Variants in MAGI3 observed in about 807,000 individuals in gnomAD.
MAGI3 encodes membrane-associated guanylate kinase, WW and PDZ domain-containing protein 3.
A neutral mutation model predicts 121.8 loss-of-function variants in MAGI3; 43 were observed. That is an observed-to-expected ratio of 0.35 (90% CI 0.28 to 0.46). The LOEUF is 0.46. MAGI3 is among the 20% of genes least tolerant of loss of function. MAGI3 has a pLI of 1.00. For synonymous variants in MAGI3, 553 were observed against 639.3 expected (o/e 0.86, Z 2.04); for missense variants, 1,547 against 1,797.3 (o/e 0.86, Z 2.52).
At chr1:113,401,389 G>A (rs1368120636) in intron 1 of MAGI3, among the ~76,000 whole-genome samples, 3 of 152,102 alleles carry the variant, frequency 2.0e-5, no homozygotes, top group Non-Finnish European at 4.4e-5. Context: ...GTTTGTGGCC[G>A]TGCAGTTTAA....
intron 1 of MAGI3, among the ~76,000 whole-genome samples, chr1:113,544,529 G>A (rs114171132): frequency 0.013 from 1,996 of 152,318 alleles, 49 homozygotes; most frequent in African/African-American, 0.046. Flanking sequence ...TCTTATAGGT[G>A]TACAAAATGC....
intron 1 of MAGI3, among the ~76,000 whole-genome samples, chr1:113,485,087 C>G (rs1656318818): frequency 6.6e-6 from 1 of 152,014 alleles, no homozygotes; most frequent in South Asian, 2.1e-4. Context: ...GGGCTGGTTC[C>G]ATATTTCTGC....
chr1:113,682,908 A>G lies in MAGI3; in HGVS notation c.3340A>G (p.Ile1114Val), dbSNP rs774645163. The change falls in exon 21 of 21, where the codon ATT becomes GTT. Residue 1114 changes from isoleucine (I) to valine (V), a missense_variant. Transcript: ENST00000307546. Reference protein sequence around the residue: ...GLIPDHGDWDINNPSSSNVIY... With the variant: ...GLIPDHGDWDVNNPSSSNVIY... ...AATCACTTTTTTAGGTGATTGGGAT[A>G]TTAATAATCCTTCGTCTTCAAATGT... 2 of 1,575,944 alleles carry G rather than the reference A, an allele frequency of 1.3e-6. No individual in the cohort carries two copies. Among genetic ancestry groups the G allele is most frequent in the Non-Finnish European group, 1.7e-6 (2 of 1,165,470 alleles).
intron 2 of MAGI3, among the ~76,000 whole-genome samples, chr1:113,572,250 G>T (rs975071477): frequency 6.6e-6 from 1 of 152,226 alleles, no homozygotes; most frequent in African/African-American, 2.4e-5. Flanking sequence ...AAGCCAACTG[G>T]ATCGTGGTGG....
intron 1 of MAGI3, among the ~76,000 whole-genome samples, chr1:113,548,025 G>T (rs1030462615): frequency 2.0e-5 from 3 of 152,138 alleles, no homozygotes; most frequent in Admixed American, 1.3e-4. Context: ...TGTTAACACC[G>T]TCTTGCATAG....
intron 16 of MAGI3, among the ~76,000 whole-genome samples, chr1:113,668,472 G>T (rs1647297057): frequency 6.6e-6 from 1 of 151,514 alleles, no homozygotes; most frequent in Non-Finnish European, 1.5e-5. Flanking sequence ...GAGAAGCCAT[G>T]TAGCACGGGT....
At chr1:113,619,681 G>T (rs971584492) in intron 7 of MAGI3, 55 bp from the exon 8 acceptor site, 22 of 1,180,842 alleles carry the variant, frequency 1.9e-5, no homozygotes, top group Non-Finnish European at 2.8e-5. Context: ...GACTATTTAA[G>T]AATATGTTAC....
chr1:113,474,488 C>T (rs955400158), intron 1 of MAGI3, among the ~76,000 whole-genome samples: 1 of 152,126 alleles, frequency 6.6e-6, no homozygotes, highest in East Asian at 1.9e-4. Context: ...ATATGGCTAG[C>T]CAGTTTTCCC....
chr1:113,637,787 G>A (rs1003394461), intron 9 of MAGI3, among the ~76,000 whole-genome samples: 23 of 152,302 alleles, frequency 1.5e-4, no homozygotes, highest in African/African-American at 5.3e-4. Context: ...GCCTTGCTAG[G>A]TTGGGGAAGT....
At chr1:113,540,353 A>T (rs1019672307) in intron 1 of MAGI3, among the ~76,000 whole-genome samples, 2 of 152,234 alleles carry the variant, frequency 1.3e-5, no homozygotes, top group African/African-American at 4.8e-5. Context: ...AGGGAAGCAG[A>T]CACGTACCCA....
intron 1 of MAGI3, among the ~76,000 whole-genome samples, chr1:113,512,863 A>T (rs1328543370): frequency 2.0e-5 from 3 of 152,224 alleles, no homozygotes; most frequent in African/African-American, 7.2e-5. Context: ...ACATGATAGT[A>T]TATCTAGAAA....
intron 1 of MAGI3, among the ~76,000 whole-genome samples, chr1:113,397,610 A>C (rs1413335072): frequency 6.6e-6 from 1 of 152,208 alleles, no homozygotes; most frequent in Non-Finnish European, 1.5e-5. Context: ...AAGGGCACAA[A>C]ATCCACATTA....
intron 2 of MAGI3, among the ~76,000 whole-genome samples, chr1:113,562,509 T>G (rs1322059906): frequency 2.0e-5 from 3 of 152,354 alleles, no homozygotes; most frequent in Admixed American, 2.0e-4. Context: ...CAAAGTAATT[T>G]ATAGATTCAG....
At position 113,673,385 on chromosome 1, in the gene MAGI3, G is replaced by A. The variant is rs201961376; in HGVS notation, c.3109G>A (p.Gly1037Arg). The A allele has an allele frequency of 6.2e-6, 10 of 1,611,858 alleles. No individual in the cohort carries two copies. The highest frequency in any genetic ancestry group is 1.8e-4 in the Middle Eastern group (1 of 5,530). The change falls in exon 19 of 21, where the codon GGG becomes AGG. Residue 1037 changes from glycine (G) to arginine (R), a missense_variant. Physicochemically the swap from Gly to Arg is moderately radical, Grantham distance 125. Coordinates refer to ENST00000307546, the MANE Select transcript of MAGI3 (RefSeq NM_001142782.2). ...CCGGGGCTTTGGATTCAGCCTCCGA[G>A]GGGGGAAGGAGTACAACATGGGGCT... is the stretch of plus-strand genomic sequence containing the variant. ...GPRGFGFSLR[G>R]GKEYNMGLFI...
In MAGI3 at chr1:113,677,898, T is replaced by G. The variant is rs141747478; in HGVS notation, c.3190-3300T>G. ...TGACTTAAAATGTTAAAAGGATGTT[T>G]ACTGGGTGAATTTACTCCTCTGAAT... On this transcript the variant is annotated intron_variant, in intron 19 of 20. Coordinates refer to ENST00000307546, the MANE Select transcript of MAGI3 (RefSeq NM_001142782.2). Among the ~76,000 whole-genome samples, 97 of 152,380 alleles carry G rather than the reference T, an allele frequency of 6.4e-4. No homozygotes were observed. The East Asian group carries it at 0.018, about 28-fold the overall frequency.
intron 1 of MAGI3, among the ~76,000 whole-genome samples, chr1:113,522,423 A>G (rs188165320): frequency 2.6e-5 from 4 of 152,228 alleles, no homozygotes; most frequent in Admixed American, 2.0e-4. Flanking sequence ...ACTTTTTTAT[A>G]ATTATTCATG....
In MAGI3 at chr1:113,672,674, C is replaced by A; in HGVS notation, c.2978C>A (p.Ser993Ter). 1 of 1,613,976 alleles carries A rather than the reference C, an allele frequency of 6.2e-7. No individual in the cohort carries two copies. The highest frequency in any genetic ancestry group is 1.1e-5 in the South Asian group (1 of 91,030). Residue 993 changes from serine (S) to a stop codon, truncating the protein, a stop_gained, in exon 18 of 21, where the codon TCA (serine) becomes TAA (stop). Transcript: ENST00000307546. LOFTEE classifies it high-confidence loss of function. ...DVSTSYRHSW[S>*]DHKHLAQPDT... ...TCCACTTCTTACAGACATTCTTGGT[C>A]AGACCACAAGCACCTTGCACAGCCT...
At chr1:113,416,339 A>G (rs1038284837) in intron 1 of MAGI3, among the ~76,000 whole-genome samples, 9 of 42,324 alleles carry the variant, frequency 2.1e-4, no homozygotes, top group Non-Finnish European at 4.1e-4. Flanking sequence ...TATATCAATC[A>G]TATATTAATT....
At chr1:113,469,234 CAG>C (rs920255111) in intron 1 of MAGI3, among the ~76,000 whole-genome samples, 3 of 152,090 alleles carry the variant, frequency 2.0e-5, no homozygotes, top group East Asian at 1.9e-4. Flanking sequence ...CAAAATGACA[CAG>C]AAATATTAAG....
Sources: allele counts gnomAD v4.1 joint callset (sites outside exome capture counted in the v4.1 genomes callset), GRCh38; gene constraint gnomAD v4.1.1; transcripts MANE v1.5; gene names NCBI Gene and HGNC (gene_info 2026-07-23, HGNC 2026-07-21).